The following SPOCK3 variants were observed in gnomAD, a reference collection of about 807,000 sequenced individuals.
SPOCK3 encodes the protein SPARC (osteonectin), cwcv and kazal like domains proteoglycan 3.
In SPOCK3, 30 loss-of-function variants were observed where a neutral mutation model predicts 56.6. The ratio of observed to expected loss-of-function variants is 0.53; its 90% confidence interval spans 0.40 to 0.72. The LOEUF is 0.72. Ranked by LOEUF, SPOCK3 falls within the 30% of genes least tolerant of loss-of-function variation. SPOCK3 has a pLI of 0.00. For synonymous variants in SPOCK3, 196 were observed against 183.3 expected, an observed-to-expected ratio of 1.07 and a Z score of -0.56; for missense variants, 527 against 530.0, an observed-to-expected ratio of 0.99 and a Z score of 0.06.
At chr4:166,982,336 C>G (rs926645915) in intron 4 of SPOCK3, among the ~76,000 whole-genome samples, 1 of 152,172 alleles carries the variant, frequency 6.6e-6, no homozygotes, top group African/African-American at 2.4e-5. Flanking sequence ...TTTTATCCAT[C>G]ATTTACGTAG....
At chr4:166,779,470 T>C (rs1352434638) in intron 7 of SPOCK3, among the ~76,000 whole-genome samples, 1 of 151,290 alleles carries the variant, frequency 6.6e-6, no homozygotes, top group African/African-American at 2.4e-5. Flanking sequence ...ATGAACTAAA[T>C]GGAATGTAAG....
chr4:167,205,304 ATATTATATATTTT>A (rs1734000528), intron 2 of SPOCK3, among the ~76,000 whole-genome samples: 1 of 44,712 alleles, frequency 2.2e-5, no homozygotes, highest in African/African-American at 7.9e-5. Flanking sequence ...TCTATAATAT[ATATTATATATTTT>A]ATATATATAA....
chr4:166,796,346 T>C (rs1183487179), intron 6 of SPOCK3, among the ~76,000 whole-genome samples: 1 of 152,110 alleles, frequency 6.6e-6, no homozygotes, highest in Non-Finnish European at 1.5e-5. Context: ...CAGATGAAAA[T>C]ACAGAGGTCC....
intron 4 of SPOCK3, among the ~76,000 whole-genome samples, chr4:166,967,737 G>A (rs886719588): frequency 2.0e-5 from 3 of 152,142 alleles, no homozygotes; most frequent in Admixed American, 6.5e-5. Flanking sequence ...ATTGGCAAAA[G>A]GCATCTGGCA....
At chr4:167,109,475 A>AT in intron 2 of SPOCK3, among the ~76,000 whole-genome samples, 1 of 102,634 alleles carries the variant, frequency 9.7e-6, no homozygotes, top group East Asian at 2.7e-4. Flanking sequence ...GTTATAATAT[A>AT]TTTATATAAA....
intron 2 of SPOCK3, among the ~76,000 whole-genome samples, chr4:167,147,649 G>A (rs1764080247): frequency 6.6e-6 from 1 of 152,088 alleles, no homozygotes; most frequent in Non-Finnish European, 1.5e-5. Flanking sequence ...ATGAGTTCAT[G>A]TCCTTTTCAG....
intron 7 of SPOCK3, among the ~76,000 whole-genome samples, chr4:166,778,294 C>T (rs569224188): frequency 6.6e-6 from 1 of 152,218 alleles, no homozygotes; most frequent in East Asian, 1.9e-4. Flanking sequence ...ATCTTATGAA[C>T]TAGTAGGCCT....
intron 2 of SPOCK3, among the ~76,000 whole-genome samples, chr4:167,186,034 A>G (rs946972454): frequency 3.3e-5 from 5 of 152,194 alleles, no homozygotes. Flanking sequence ...CTCTAAAGAT[A>G]TAAAAGTAGA....
At chr4:167,022,162 G>C (rs1376403985) in intron 3 of SPOCK3, among the ~76,000 whole-genome samples, 1 of 151,850 alleles carries the variant, frequency 6.6e-6, no homozygotes, top group African/African-American at 2.4e-5. Flanking sequence ...GGTTGGGCGT[G>C]GAGCAAACAA....
At chr4:167,205,385 A>ATAT (rs1734083251) in intron 2 of SPOCK3, among the ~76,000 whole-genome samples, 1 of 41,322 alleles carries the variant, frequency 2.4e-5, no homozygotes, top group African/African-American at 1.3e-4. Context: ...TATATAATAT[A>ATAT]TATATTTTAT....
chr4:167,021,914 G>A (rs1278124346), intron 3 of SPOCK3, among the ~76,000 whole-genome samples: 1 of 151,970 alleles, frequency 6.6e-6, no homozygotes, highest in Non-Finnish European at 1.5e-5. Flanking sequence ...CTCCTTCGGT[G>A]GGTATTAAGC....
chr4:166,859,951 C>T (rs1731069818), intron 6 of SPOCK3, among the ~76,000 whole-genome samples: 2 of 151,966 alleles, frequency 1.3e-5, no homozygotes, highest in Admixed American at 1.3e-4. Flanking sequence ...AAATATTTAC[C>T]AGTATCTATC....
intron 6 of SPOCK3, among the ~76,000 whole-genome samples, chr4:166,879,405 G>T (rs189604383): frequency 2.0e-5 from 3 of 151,942 alleles, no homozygotes; most frequent in African/African-American, 7.3e-5. Context: ...GCATGGTGGC[G>T]TGCACTTATA....
At chr4:166,808,866 T>C (rs1743466572) in intron 6 of SPOCK3, among the ~76,000 whole-genome samples, 1 of 152,114 alleles carries the variant, frequency 6.6e-6, no homozygotes, top group Non-Finnish European at 1.5e-5. Context: ...TATTTCTGTT[T>C]GATGGTGTGA....
At chr4:167,146,456 C>T (rs1253025970) in intron 2 of SPOCK3, among the ~76,000 whole-genome samples, 3 of 151,986 alleles carry the variant, frequency 2.0e-5, no homozygotes, top group South Asian at 2.1e-4. Context: ...TTGGACCAAG[C>T]GGACCTAATA....
intron 4 of SPOCK3, among the ~76,000 whole-genome samples, chr4:166,949,941 A>C (rs1411886953): frequency 2.6e-5 from 4 of 151,364 alleles, no homozygotes; most frequent in African/African-American, 9.8e-5. Flanking sequence ...GGAAGCACTA[A>C]ACATGCAAAG....
At chr4:167,029,864 A>G (rs1172299527) in intron 3 of SPOCK3, among the ~76,000 whole-genome samples, 1 of 151,892 alleles carries the variant, frequency 6.6e-6, no homozygotes, top group Non-Finnish European at 1.5e-5. Context: ...TTTTCACTTA[A>G]TATTAACTTC....
chr4:166,738,224 C>G (rs995215942), intron 9 of SPOCK3, among the ~76,000 whole-genome samples: 6 of 151,216 alleles, frequency 4.0e-5, no homozygotes, highest in East Asian at 1.9e-4. Flanking sequence ...CTTCCATTCT[C>G]TGTGTGTGTG....
At chr4:166,962,178 A>G (rs1744216018) in intron 4 of SPOCK3, among the ~76,000 whole-genome samples, 1 of 152,136 alleles carries the variant, frequency 6.6e-6, no homozygotes, top group Non-Finnish European at 1.5e-5. Context: ...TTAACATATC[A>G]TAAGGTCAGC....
Sources: gnomAD v4.1 joint callset for allele counts (sites outside exome capture counted in the v4.1 genomes callset) on GRCh38, gnomAD v4.1.1 for gene constraint, MANE v1.5 for transcripts, NCBI Gene and HGNC (gene_info 2026-07-23, HGNC 2026-07-21) for gene names.